The following AKT3 variants were observed in gnomAD, a reference collection of about 807,000 sequenced individuals.
AKT3 encodes RAC-gamma serine/threonine-protein kinase.
In AKT3, 15 loss-of-function variants were observed where a neutral mutation model predicts 65.3. The observed-to-expected ratio is 0.23, with a 90% CI of 0.15 to 0.35. The LOEUF (loss-of-function observed/expected upper bound fraction) is 0.35. Among genes scored for constraint, AKT3 ranks in the 10% least tolerant of loss-of-function variants. AKT3 has a pLI of 1.00. For missense variants in AKT3, 243 were observed against 576.5 expected (o/e 0.42, Z 5.92); for synonymous variants, 206 against 183.8 (o/e 1.12, Z -0.98).
intron 8 of AKT3, among the ~76,000 whole-genome samples, chr1:243,609,469 C>A (rs754210904): frequency 5.3e-5 from 8 of 151,846 alleles, no homozygotes; most frequent in Non-Finnish European, 1.0e-4. Context: ...ACTAGCCTGG[C>A]CAACATGGCC....
intron 6 of AKT3, among the ~76,000 whole-genome samples, chr1:243,618,701 G>A (rs1678517852): frequency 1.3e-5 from 2 of 152,008 alleles, no homozygotes; most frequent in South Asian, 4.2e-4. Flanking sequence ...AGAATTAGGG[G>A]GAATGGGATT....
intron 2 of AKT3, among the ~76,000 whole-genome samples, chr1:243,753,377 G>A (rs1386773707): frequency 2.0e-5 from 3 of 152,060 alleles, no homozygotes; most frequent in African/African-American, 7.2e-5. Flanking sequence ...AAAAGCGTAC[G>A]ATTTTTCACT....
At chr1:243,675,090 T>G (rs939617144) in intron 3 of AKT3, among the ~76,000 whole-genome samples, 5 of 152,224 alleles carry the variant, frequency 3.3e-5, no homozygotes, top group Non-Finnish European at 7.3e-5. Context: ...GAGATTTCCA[T>G]CTGTACCAAT....
intron 3 of AKT3, among the ~76,000 whole-genome samples, chr1:243,673,749 G>C (rs1357441242): frequency 6.6e-6 from 1 of 151,730 alleles, no homozygotes; most frequent in Non-Finnish European, 1.5e-5. Flanking sequence ...GGAGTAGCGA[G>C]GACTACAGGC....
intron 13 of AKT3, chr1:243,488,951 C>T (rs1270456167): frequency 8.1e-6 from 13 of 1,610,456 alleles, no homozygotes; most frequent in Admixed American, 1.7e-5. Context: ...ATACACACAG[C>T]CCCTGGGCCT....
chr1:243,629,984 A>T (rs1183091425), intron 6 of AKT3, among the ~76,000 whole-genome samples: 2 of 152,168 alleles, frequency 1.3e-5, no homozygotes, highest in East Asian at 3.8e-4. Context: ...CCCCACTCCC[A>T]TATATAGTTG....
intron 5 of AKT3, among the ~76,000 whole-genome samples, chr1:243,645,289 TAAGGAA>T (rs1680722920): frequency 6.6e-6 from 1 of 152,208 alleles, no homozygotes; most frequent in Non-Finnish European, 1.5e-5. Flanking sequence ...ATTTTTGTAA[TAAGGAA>T]ATTGCTTTTC....
intron 3 of AKT3, among the ~76,000 whole-genome samples, chr1:243,689,958 C>T (rs933309233): frequency 6.6e-6 from 1 of 151,488 alleles, no homozygotes; most frequent in African/African-American, 2.4e-5. Context: ...AAACAAAAAA[C>T]TTAAAGAAAA....
chr1:243,548,939 T>G (rs975951569), intron 11 of AKT3, among the ~76,000 whole-genome samples: 1 of 152,230 alleles, frequency 6.6e-6, no homozygotes, highest in African/African-American at 2.4e-5. Flanking sequence ...AAGAGGTGTA[T>G]TATAATGCTA....
intron 2 of AKT3, among the ~76,000 whole-genome samples, chr1:243,705,244 TG>T (rs1164703057): frequency 2.6e-5 from 4 of 152,174 alleles, no homozygotes; most frequent in African/African-American, 9.7e-5. Context: ...TAAAGAAAGC[TG>T]GGGTCCATGT....
At chr1:243,703,023 A>G (rs1685564112) in intron 2 of AKT3, 1 of 152,222 alleles carries the variant, frequency 6.6e-6, no homozygotes, top group Non-Finnish European at 1.5e-5. Context: ...CTTAAATAAA[A>G]GTCTTCATGA....
intron 13 of AKT3, among the ~76,000 whole-genome samples, chr1:243,493,386 T>G (rs1008442106): frequency 1.3e-5 from 2 of 152,124 alleles, no homozygotes; most frequent in Non-Finnish European, 2.9e-5. Context: ...AACATGAGTC[T>G]TGGGGAGAAT....
chr1:243,492,826 C>T (rs76913843), intron 13 of AKT3, among the ~76,000 whole-genome samples: 17 of 151,160 alleles, frequency 1.1e-4, no homozygotes, highest in Non-Finnish European at 1.8e-4. Context: ...AGGCTGGTCT[C>T]GAACTCCTGA....
At chr1:243,527,869 A>AC (rs2148404090) in intron 12 of AKT3, among the ~76,000 whole-genome samples, 1 of 120,682 alleles carries the variant, frequency 8.3e-6, no homozygotes, top group South Asian at 3.0e-4. Context: ...CCATCTCTTA[A>AC]AACACACACA....
intron 2 of AKT3, among the ~76,000 whole-genome samples, chr1:243,819,099 G>A (rs893557528): frequency 7.2e-5 from 11 of 152,346 alleles, no homozygotes; most frequent in South Asian, 2.1e-4. Flanking sequence ...GATGTTTGGC[G>A]GTCACTCAAC....
intron 4 of AKT3, among the ~76,000 whole-genome samples, chr1:243,655,672 T>C (rs778873964): frequency 3.9e-5 from 6 of 152,208 alleles, no homozygotes; most frequent in Non-Finnish European, 7.4e-5. Flanking sequence ...TTTATAGTTA[T>C]ATGTCAATCC....
intron 2 of AKT3, among the ~76,000 whole-genome samples, chr1:243,806,293 T>G (rs778889383): frequency 6.6e-5 from 10 of 152,210 alleles, no homozygotes; most frequent in Middle Eastern, 3.2e-3. Flanking sequence ...AAGGAGCACG[T>G]TTTATTCTTT....
chr1:243,640,852 C>T (rs1037716935), intron 5 of AKT3, among the ~76,000 whole-genome samples: 2 of 152,134 alleles, frequency 1.3e-5, no homozygotes, highest in Non-Finnish European at 1.5e-5. Context: ...GTTTGTTCCA[C>T]AGCGTGAGGG....
chr1:243,706,276 C>T (rs1685791024), intron 2 of AKT3, among the ~76,000 whole-genome samples: 2 of 152,188 alleles, frequency 1.3e-5, no homozygotes, highest in African/African-American at 4.8e-5. Flanking sequence ...AACACAACCT[C>T]GTATGGTTCA....
Sources: gnomAD v4.1 joint callset for allele counts (sites outside exome capture counted in the v4.1 genomes callset) on GRCh38, gnomAD v4.1.1 for gene constraint, MANE v1.5 for transcripts, NCBI Gene and HGNC (gene_info 2026-07-23, HGNC 2026-07-21) for gene names.